Variants in DTNA observed in about 807,000 individuals in gnomAD.
DTNA encodes the protein dystrophin-related protein 3.
In DTNA, 43 loss-of-function variants were observed where a neutral mutation model predicts 100.7. The observed-to-expected ratio is 0.43, with a 90% CI of 0.33 to 0.55. The LOEUF is 0.55. DTNA is among the 20% of genes least tolerant of loss of function. The pLI is 0.04. For missense variants in DTNA, 798 were observed against 953.9 expected, an observed-to-expected ratio of 0.84 and a Z score of 2.15; for synonymous variants, 349 against 347.9, an observed-to-expected ratio of 1.00 and a Z score of -0.04.
At chr18:34,832,410 C>T (rs983330162) in intron 11 of DTNA, among the ~76,000 whole-genome samples, 1 of 152,280 alleles carries the variant, frequency 6.6e-6, no homozygotes, top group African/African-American at 2.4e-5. Flanking sequence ...ATTTTCTATA[C>T]TATGCATCAT....
At chr18:34,663,853 T>G (rs576848976) in intron 1 of DTNA, among the ~76,000 whole-genome samples, 11 of 152,294 alleles carry the variant, frequency 7.2e-5, no homozygotes, top group African/African-American at 2.6e-4. Flanking sequence ...AAGTAATTTT[T>G]TGTTATCAAA....
At chr18:34,614,173 C>T (rs540887573) in intron 1 of DTNA, among the ~76,000 whole-genome samples, 2 of 152,122 alleles carry the variant, frequency 1.3e-5, no homozygotes, top group Non-Finnish European at 2.9e-5. Context: ...AGCATGGTTT[C>T]CTGAATTTTT....
rs1261631591 is a variant in DTNA, at chr18:34,890,287, T to TTC, written c.*2561_*2562dup. ...CAATTTCTGACTAACCAGCCACCTT[T>TTC]TCTCTCTCTTAGCTCCACGTCAGCA... On this transcript the variant is annotated 3_prime_UTR_variant, in exon 23 of 23. Transcript: ENST00000444659. 1.3e-6 allele frequency: 2 copies of TTC among 1,530,876 alleles called. No individual in the cohort carries two copies. Among genetic ancestry groups the TTC allele is most frequent in the Non-Finnish European group, 1.7e-6 (2 of 1,143,502 alleles). The allele number at this position is 1,530,876 out of a possible 1,614,324, so 94.8% of individuals were successfully genotyped here.
At chr18:34,791,974 A>G (rs2094765249) in intron 3 of DTNA, among the ~76,000 whole-genome samples, 1 of 152,264 alleles carries the variant, frequency 6.6e-6, no homozygotes, top group Non-Finnish European at 1.5e-5. Flanking sequence ...CTCCAAGTCC[A>G]GTGCTCCTTG....
At chr18:34,847,329 TTC>T (rs2096397765) in intron 13 of DTNA, among the ~76,000 whole-genome samples, 1 of 152,184 alleles carries the variant, frequency 6.6e-6, no homozygotes, top group African/African-American at 2.4e-5. Context: ...ACTACTAAAA[TTC>T]TGTTTCTCTG....
intron 1 of DTNA, among the ~76,000 whole-genome samples, chr18:34,667,320 G>T (rs1187676176): frequency 2.0e-5 from 3 of 152,014 alleles, no homozygotes; most frequent in East Asian, 1.9e-4. Context: ...AATGAGATTT[G>T]GGGCTGAGAC....
In DTNA at chr18:34,498,381, C is replaced by A. The variant is rs577887132; in HGVS notation, c.-2+4867C>A. Among the ~76,000 whole-genome samples, 11 of 150,694 alleles carry A rather than the reference C, an allele frequency of 7.3e-5. No homozygotes were observed. The South Asian group carries it at 1.3e-3, about 17-fold the overall frequency. On this transcript the variant is annotated intron_variant, in intron 1 of 19. Coordinates refer to the DTNA transcript ENST00000283365. ...CCGGGAGGCAGAGCTTGCAGTGAGC[C>A]GAGATCGCGCCACTGTGCTCCAGCC...
chr18:34,588,933 G>C (rs2049410004), intron 1 of DTNA, among the ~76,000 whole-genome samples: 1 of 151,138 alleles, frequency 6.6e-6, no homozygotes, highest in East Asian at 1.9e-4. Context: ...AACTATCATT[G>C]TTCCCCATTA....
intron 1 of DTNA, 22 bp from the exon 2 acceptor site, chr18:34,755,954 T>C: frequency 1.2e-6 from 2 of 1,607,894 alleles, no homozygotes; most frequent in Non-Finnish European, 1.7e-6. Flanking sequence ...ATAATACACA[T>C]TGTAACTATT....
rs1211515940 is a variant in DTNA at position 34,797,904 on chromosome 18, C to T, written c.362+3654C>T. Among the ~76,000 whole-genome samples, 3 of 152,220 alleles carry T rather than the reference C, an allele frequency of 2.0e-5. No individual in the cohort carries two copies. In the East Asian group the frequency reaches 5.8e-4, roughly 29 times the overall value. ...TAGGAAAGAACCATATTTTATTCTTCTTATGAACAGCACCTGAGACCATAG... is the reference window on the plus strand; with the variant it reads ...TAGGAAAGAACCATATTTTATTCTTTTTATGAACAGCACCTGAGACCATAG... On this transcript the variant is annotated intron_variant, in intron 4 of 22. Transcript: ENST00000444659.
intron 1 of DTNA, among the ~76,000 whole-genome samples, chr18:34,497,773 A>C (rs1348788834): frequency 6.6e-6 from 1 of 152,142 alleles, no homozygotes; most frequent in Non-Finnish European, 1.5e-5. Flanking sequence ...CAAAACATGA[A>C]GATATGTGAG....
chr18:34,777,788 T>C (rs1171645882), intron 3 of DTNA, among the ~76,000 whole-genome samples: 1 of 152,120 alleles, frequency 6.6e-6, no homozygotes, highest in African/African-American at 2.4e-5. Context: ...TCCAATCGCC[T>C]CCCTCACTTG....
chr18:34,690,859 A>T (rs1435255261), intron 1 of DTNA, among the ~76,000 whole-genome samples: 1 of 152,196 alleles, frequency 6.6e-6, no homozygotes, highest in Non-Finnish European at 1.5e-5. Context: ...TTCTTATTTT[A>T]TGCAAGAAAT....
At chr18:34,520,389 T>C (rs1345495584) in intron 1 of DTNA, among the ~76,000 whole-genome samples, 1 of 152,146 alleles carries the variant, frequency 6.6e-6, no homozygotes, top group Admixed American at 6.5e-5. Flanking sequence ...CGGTGGCTCA[T>C]GCCTATAATC....
At chr18:34,534,428 A>G (rs16965389) in intron 1 of DTNA, among the ~76,000 whole-genome samples, 6,746 of 152,140 alleles carry the variant, frequency 0.044, 396 homozygotes, top group African/African-American at 0.14. Flanking sequence ...GACAGCTCTT[A>G]GTTGTGAGAC....
intron 1 of DTNA, among the ~76,000 whole-genome samples, chr18:34,641,633 C>T (rs975792297): frequency 2.0e-5 from 3 of 152,208 alleles, no homozygotes; most frequent in African/African-American, 7.2e-5. Context: ...TTCCTCCAAT[C>T]CCTGGATTCA....
intron 1 of DTNA, among the ~76,000 whole-genome samples, chr18:34,531,538 A>G (rs2043142408): frequency 6.6e-6 from 1 of 152,068 alleles, no homozygotes; most frequent in Non-Finnish European, 1.5e-5. Context: ...ACTTTCTGTT[A>G]TCTTTTTGTT....
chr18:34,656,950 C>A (rs1008504146), intron 1 of DTNA, among the ~76,000 whole-genome samples: 4 of 152,102 alleles, frequency 2.6e-5, no homozygotes, highest in Admixed American at 1.3e-4. Context: ...GATCTCGGCT[C>A]ACTGCAACCT....
intron 1 of DTNA, among the ~76,000 whole-genome samples, chr18:34,626,804 G>A (rs1477204189): frequency 6.6e-6 from 1 of 152,200 alleles, no homozygotes; most frequent in Non-Finnish European, 1.5e-5. Flanking sequence ...TGTCACATGT[G>A]GACATAGATG....
Sources: allele counts gnomAD v4.1 joint callset (sites outside exome capture counted in the v4.1 genomes callset), GRCh38; gene constraint gnomAD v4.1.1; transcripts MANE v1.5; gene names NCBI Gene and HGNC (gene_info 2026-07-23, HGNC 2026-07-21).